The following CHCHD3 variants were observed in gnomAD, a reference collection of about 807,000 sequenced individuals.
CHCHD3 encodes the protein MICOS complex subunit MIC19.
CHCHD3 carries 20 observed loss-of-function variants against 38.2 expected under a neutral mutation model. That is an observed-to-expected ratio of 0.52 (90% confidence interval 0.37 to 0.76). CHCHD3 has a LOEUF of 0.76. Ranked by LOEUF, CHCHD3 falls within the 30% of genes least tolerant of loss-of-function variation. CHCHD3 has a pLI of 0.00. For synonymous variants in CHCHD3, 82 were observed against 100.0 expected (o/e 0.82, Z 1.07); for missense variants, 245 against 279.2 (o/e 0.88, Z 0.87).
At chr7:133,079,457 A>T (rs1815107601) in intron 1 of CHCHD3, among the ~76,000 whole-genome samples, 1 of 152,256 alleles carries the variant, frequency 6.6e-6, no homozygotes, top group South Asian at 2.1e-4. Context: ...ACAGCACAGC[A>T]CTTTCAAAGA....
intron 4 of CHCHD3, among the ~76,000 whole-genome samples, chr7:132,887,622 G>A (rs149507565): frequency 2.3e-3 from 302 of 133,872 alleles, no homozygotes; most frequent in Middle Eastern, 0.014. Flanking sequence ...TCTCCCCACC[G>A]AAAAACAACA....
At chr7:132,851,962 G>C (rs1056959716) in intron 5 of CHCHD3, among the ~76,000 whole-genome samples, 5 of 152,152 alleles carry the variant, frequency 3.3e-5, no homozygotes, top group African/African-American at 1.2e-4. Flanking sequence ...TGCTTGCTCA[G>C]CTACAGGAGG....
intron 4 of CHCHD3, among the ~76,000 whole-genome samples, chr7:132,919,100 CTTTTTTTTTTTTTT>C (rs5887600): frequency 2.7e-3 from 190 of 69,510 alleles, no homozygotes; most frequent in African/African-American, 0.01. Context: ...TGGGTTTATT[CTTTTTTTTTTTTTT>C]TTTTTTTTTT....
chr7:132,817,037 T>A (rs569039415), intron 6 of CHCHD3, among the ~76,000 whole-genome samples: 67 of 152,306 alleles, frequency 4.4e-4, no homozygotes, highest in African/African-American at 1.5e-3. Context: ...AGGGCATCCC[T>A]GTCTTCTCTG....
At chr7:132,980,114 A>G (rs76155834) in intron 3 of CHCHD3, among the ~76,000 whole-genome samples, 2,851 of 152,314 alleles carry the variant, frequency 0.019, 104 homozygotes, top group African/African-American at 0.064. Context: ...TGAACCAAAT[A>G]AGACAGCCCT....
intron 4 of CHCHD3, among the ~76,000 whole-genome samples, chr7:132,899,389 C>G (rs1046388539): frequency 3.3e-5 from 5 of 152,138 alleles, no homozygotes; most frequent in Non-Finnish European, 4.4e-5. Context: ...TGCAGCAGCT[C>G]GATGCTGTCA....
At chr7:132,899,295 G>C (rs1695071184) in intron 4 of CHCHD3, among the ~76,000 whole-genome samples, 1 of 152,188 alleles carries the variant, frequency 6.6e-6, no homozygotes, top group South Asian at 2.1e-4. Context: ...CAACAGGAGG[G>C]AAGGAAGGAA....
In CHCHD3 at chr7:132,827,183, A is replaced by G. The variant is rs149823050; in HGVS notation, c.524+11216T>C. Among the ~76,000 whole-genome samples, 503 of 152,250 alleles carry G rather than the reference A, an allele frequency of 3.3e-3. 3 individuals are homozygous for G. Among genetic ancestry groups the G allele is most frequent in the South Asian group, 8.9e-3 (43 of 4,826 alleles). On this transcript the variant is annotated intron_variant, in intron 6 of 7. Coordinates refer to ENST00000262570, the MANE Select transcript of CHCHD3 (RefSeq NM_017812.4). ...ACTGGGAATTCCCAATATTTGGGGT[A>G]TATTTTTTCTTAATTTAGGGTGTTT...
intron 5 of CHCHD3, among the ~76,000 whole-genome samples, chr7:132,881,765 ACTGT>A (rs1201486482): frequency 6.6e-6 from 1 of 152,178 alleles, no homozygotes. Context: ...GCATTTTTAC[ACTGT>A]CTAATACAAA....
intron 3 of CHCHD3, among the ~76,000 whole-genome samples, chr7:133,012,793 AGGG>A: frequency 1.2e-5 from 1 of 85,108 alleles, no homozygotes; most frequent in Non-Finnish European, 2.2e-5. Context: ...AGGAGAGGGG[AGGG>A]GAGGGGAGGG....
intron 4 of CHCHD3, among the ~76,000 whole-genome samples, chr7:132,919,959 GA>G (rs1483408236): frequency 1.3e-5 from 2 of 152,164 alleles, no homozygotes; most frequent in Admixed American, 6.5e-5. Flanking sequence ...TTCCCTGGGG[GA>G]AAATGCTCTC....
intron 4 of CHCHD3, among the ~76,000 whole-genome samples, chr7:132,919,319 A>G (rs1026109725): frequency 4.6e-5 from 7 of 151,472 alleles, no homozygotes; most frequent in African/African-American, 1.7e-4. Context: ...CATCGTGTTA[A>G]CCAGGATGGT....
At chr7:133,051,821 A>T (rs78980579) in intron 2 of CHCHD3, among the ~76,000 whole-genome samples, 6 of 152,166 alleles carry the variant, frequency 3.9e-5, no homozygotes, top group African/African-American at 1.4e-4. Flanking sequence ...CGTTCAAAAA[A>T]ATGTTTTGTC....
intron 2 of CHCHD3, among the ~76,000 whole-genome samples, chr7:133,037,307 A>G (rs2117473614): frequency 6.6e-6 from 1 of 152,354 alleles, no homozygotes; most frequent in East Asian, 1.9e-4. Flanking sequence ...TACATTTTAT[A>G]TATAAAACAA....
intron 3 of CHCHD3, among the ~76,000 whole-genome samples, chr7:132,987,819 C>A (rs558226601): frequency 1.3e-5 from 2 of 152,208 alleles, no homozygotes; most frequent in East Asian, 3.9e-4. Context: ...GTCTGCCTGT[C>A]CTTTCATCTT....
At chr7:132,834,149 A>C (rs1807718935) in intron 6 of CHCHD3, among the ~76,000 whole-genome samples, 1 of 152,182 alleles carries the variant, frequency 6.6e-6, no homozygotes, top group Non-Finnish European at 1.5e-5. Flanking sequence ...CATGCAATGC[A>C]AATATTATAT....
intron 3 of CHCHD3, among the ~76,000 whole-genome samples, chr7:132,986,213 G>A (rs61287780): frequency 0.21 from 30,509 of 147,356 alleles, 3,401 homozygotes; most frequent in South Asian, 0.27. Flanking sequence ...CAGCATGCTC[G>A]TTAAGAGTCA....
At chr7:132,858,010 C>T (rs1276099368) in intron 5 of CHCHD3, among the ~76,000 whole-genome samples, 2 of 152,142 alleles carry the variant, frequency 1.3e-5, no homozygotes, top group African/African-American at 4.8e-5. Flanking sequence ...TATGCTGAGA[C>T]GCATTTGAGC....
chr7:132,995,454 T>C (rs552740203), intron 3 of CHCHD3, among the ~76,000 whole-genome samples: 1 of 152,258 alleles, frequency 6.6e-6, no homozygotes, highest in Non-Finnish European at 1.5e-5. Flanking sequence ...GTAGGCACTA[T>C]GCTGTATCCT....
Sources: allele counts gnomAD v4.1 joint callset (sites outside exome capture counted in the v4.1 genomes callset), GRCh38; gene constraint gnomAD v4.1.1; transcripts MANE v1.5; gene names NCBI Gene and HGNC (gene_info 2026-07-23, HGNC 2026-07-21).